The following KMT2C variants were observed in gnomAD, a reference collection of about 807,000 sequenced individuals.
KMT2C encodes the protein histone-lysine N-methyltransferase 2C.
In KMT2C, 88 loss-of-function variants were observed where a neutral mutation model predicts 507.9. The ratio of observed to expected loss-of-function variants is 0.17; its 90% CI spans 0.15 to 0.21. The LOEUF (loss-of-function observed/expected upper bound fraction) is 0.21, where lower values mean the gene tolerates loss of function less well. Ranked by LOEUF, KMT2C falls within the 10% of genes least tolerant of loss-of-function variation. KMT2C has a pLI of 1.00. For synonymous variants in KMT2C, 2,049 were observed against 2,080.8 expected, an observed-to-expected ratio of 0.98 and a Z score of 0.42; for missense variants, 4,954 against 5,957.8, an observed-to-expected ratio of 0.83 and a Z score of 5.55.
chr7:152,194,676 G>A (rs2129129992), intron 28 of KMT2C, 108 bp from the exon 29 acceptor site: 1 of 739,944 alleles, frequency 1.4e-6, no homozygotes, highest in South Asian at 2.6e-5. Flanking sequence ...TTAAAATAGA[G>A]AAATAAAGTC....
At chr7:152,434,553 G>GCAC (rs2097897724) in intron 1 of KMT2C, among the ~76,000 whole-genome samples, 1 of 152,022 alleles carries the variant, frequency 6.6e-6, no homozygotes, top group Non-Finnish European at 1.5e-5. Context: ...ACGTCCCAGC[G>GCAC]CACCCTTCCA....
chr7:152,364,177 T>C (rs1051695577), intron 1 of KMT2C, among the ~76,000 whole-genome samples: 3 of 152,182 alleles, frequency 2.0e-5, no homozygotes, highest in Non-Finnish European at 2.9e-5. Flanking sequence ...ACTTAACTAC[T>C]GGGCATAATC....
chr7:152,350,646 G>C (rs1005247254), intron 2 of KMT2C, among the ~76,000 whole-genome samples: 1 of 152,210 alleles, frequency 6.6e-6, no homozygotes, highest in Non-Finnish European at 1.5e-5. Flanking sequence ...CATGAATGGT[G>C]CTTGTGGGAC....
chr7:152,232,036 T>C (rs915363813), intron 16 of KMT2C, among the ~76,000 whole-genome samples: 5 of 152,020 alleles, frequency 3.3e-5, no homozygotes, highest in South Asian at 2.1e-4. Context: ...CCTGCCACCA[T>C]GCCTGGCTAA....
At chr7:152,428,458 C>CAAAAAA (rs140697569) in intron 1 of KMT2C, among the ~76,000 whole-genome samples, 862 of 73,078 alleles carry the variant, frequency 0.012, no homozygotes, top group Non-Finnish European at 0.013. Context: ...ACTAAAAATA[C>CAAAAAA]AAAAAAAAAA....
chr7:152,185,118 A>G (rs2093584329), intron 34 of KMT2C, among the ~76,000 whole-genome samples: 1 of 152,178 alleles, frequency 6.6e-6, no homozygotes, highest in Non-Finnish European at 1.5e-5. Flanking sequence ...TATAAATGCT[A>G]TGTAAATCGT....
At chr7:152,422,947 G>A (rs2097786688) in intron 1 of KMT2C, among the ~76,000 whole-genome samples, 1 of 151,486 alleles carries the variant, frequency 6.6e-6, no homozygotes, top group Non-Finnish European at 1.5e-5. Flanking sequence ...AACCCGGGAG[G>A]CGGAGCTTAC....
At chr7:152,204,983 A>G (rs2094260181) in intron 25 of KMT2C, 123 bp downstream of exon 25, 1 of 594,756 alleles carries the variant, frequency 1.7e-6, no homozygotes, top group East Asian at 2.9e-5. Context: ...TTATTGAGTA[A>G]CAATAAGAGG....
intron 1 of KMT2C, among the ~76,000 whole-genome samples, chr7:152,371,201 T>C (rs1317472003): frequency 6.6e-6 from 1 of 152,122 alleles, no homozygotes; most frequent in Non-Finnish European, 1.5e-5. Context: ...ATACAACAAT[T>C]TGGTAATGGA....
intron 39 of KMT2C, 96 bp from the exon 40 acceptor site, chr7:152,171,438 C>G: frequency 2.7e-6 from 2 of 747,816 alleles, no homozygotes; most frequent in Non-Finnish European, 4.2e-6. Flanking sequence ...GTTTTCTCTT[C>G]CAGAGAAGAA....
At chr7:152,424,497 A>G (rs2097798503) in intron 1 of KMT2C, among the ~76,000 whole-genome samples, 1 of 152,036 alleles carries the variant, frequency 6.6e-6, no homozygotes, top group South Asian at 2.1e-4. Flanking sequence ...ATAATGGTTC[A>G]CTGCAGCCTC....
intron 1 of KMT2C, among the ~76,000 whole-genome samples, chr7:152,415,981 T>C (rs533065348): frequency 8.5e-5 from 13 of 152,304 alleles, no homozygotes; most frequent in African/African-American, 3.1e-4. Context: ...ATAAAGATTT[T>C]AATATATCAT....
Position 152,248,321 on chromosome 7 carries a change from C to T in KMT2C, c.2113G>A (p.Glu705Lys), listed in dbSNP as rs2129164243. 6.2e-7 allele frequency: 1 copy of T among 1,613,856 alleles called. No homozygotes were observed. The highest frequency in any genetic ancestry group is 8.5e-7 in the Non-Finnish European group (1 of 1,179,842). The change falls in exon 14 of 59, where the codon GAA becomes AAA. Residue 705 changes from glutamate to lysine, a missense_variant. Around this residue, in one of 29 missense-constraint regions of KMT2C, gnomAD observed 376 missense variants for 352.4 expected, o/e 1.07. Coordinates refer to ENST00000262189, the MANE Select transcript of KMT2C (RefSeq NM_170606.3). ...TCCTCAGGACATAATGAAATACTTT[C>T]CTCATGTGGGGACACTAAGGTTTCT... ...PLETLVSPHEESISLCPEEQL... is the reference protein window; with the variant it reads ...PLETLVSPHEKSISLCPEEQL...
In KMT2C at chr7:152,136,805, G is replaced by A. The variant is rs755323232; in HGVS notation, c.*27C>T. 26 of 1,545,170 alleles carry A rather than the reference G, an allele frequency of 1.7e-5. No individual in the cohort carries two copies. The highest frequency in any genetic ancestry group is 6.7e-5 in the Admixed American group (4 of 59,906). ...AATCGCCTCTTCCTAGGGACAAGCC[G>A]CCCGCTGAGCTAGCAAGGAATGCAT... is the stretch of plus-strand genomic sequence containing the variant. On this transcript the variant is annotated 3_prime_UTR_variant, in exon 59 of 59. Transcript: ENST00000262189.
chr7:152,197,771 C>T (rs1392329012), intron 27 of KMT2C, among the ~76,000 whole-genome samples: 2 of 151,816 alleles, frequency 1.3e-5, no homozygotes, highest in African/African-American at 4.8e-5. Flanking sequence ...AAAAAAAAGC[C>T]TTTAGTCATT....
intron 1 of KMT2C, chr7:152,368,527 C>T: frequency 7.4e-7 from 1 of 1,354,352 alleles, no homozygotes; most frequent in Non-Finnish European, 1.0e-6. Flanking sequence ...TTTGGAAGCA[C>T]AGCACAAAGA....
At chr7:152,297,082 A>G (rs547333248) in intron 6 of KMT2C, among the ~76,000 whole-genome samples, 9 of 139,584 alleles carry the variant, frequency 6.4e-5, no homozygotes, top group African/African-American at 1.5e-4. Flanking sequence ...AGAGAGAGAG[A>G]GAGAGAGAGA....
chr7:152,299,230 A>C (rs2096543475), intron 6 of KMT2C, among the ~76,000 whole-genome samples: 1 of 151,990 alleles, frequency 6.6e-6, no homozygotes, highest in Non-Finnish European at 1.5e-5. Context: ...AGGCAGGAGA[A>C]TCGCTTGAAC....
intron 1 of KMT2C, among the ~76,000 whole-genome samples, chr7:152,401,253 TA>T (rs993024564): frequency 1.4e-4 from 21 of 152,202 alleles, no homozygotes; most frequent in African/African-American, 4.8e-4. Flanking sequence ...CGAATTTTTG[TA>T]TTTTTAGTAG....
Sources: gnomAD v4.1 joint callset for allele counts (sites outside exome capture counted in the v4.1 genomes callset) on GRCh38, gnomAD v4.1.1 for gene constraint, gnomAD v4.1.1 regional missense constraint, MANE v1.5 for transcripts, NCBI Gene and HGNC (gene_info 2026-07-23, HGNC 2026-07-21) for gene names.